Variants in SGIP1 observed in about 807,000 individuals in gnomAD.
SGIP1 encodes the protein SH3GL interacting endocytic adaptor 1.
SGIP1 carries 38 observed loss-of-function variants against 107.5 expected under a neutral mutation model. The observed-to-expected ratio is 0.35, with a 90% CI of 0.27 to 0.46. The LOEUF (loss-of-function observed/expected upper bound fraction) is 0.46. Among genes scored for constraint, SGIP1 ranks in the 20% least tolerant of loss-of-function variants. The pLI, the probability that SGIP1 is intolerant of heterozygous loss-of-function variation, is 1.00. For missense variants in SGIP1, 929 were observed against 1,019.5 expected (o/e 0.91, Z 1.21); for synonymous variants, 365 against 366.1 (o/e 1.00, Z 0.03).
At chr1:66,587,003 A>T (rs899797572) in intron 1 of SGIP1, among the ~76,000 whole-genome samples, 6 of 152,106 alleles carry the variant, frequency 3.9e-5, no homozygotes, top group Non-Finnish European at 7.4e-5. Context: ...TGGCACTTAA[A>T]AGATATTGTC....
intron 21 of SGIP1, among the ~76,000 whole-genome samples, chr1:66,736,451 T>C (rs56219542): frequency 0.52 from 37,034 of 71,408 alleles, 11,074 homozygotes; most frequent in Non-Finnish European, 0.62. Context: ...TATAATATAT[T>C]GCGTATTATA....
intron 7 of SGIP1, among the ~76,000 whole-genome samples, chr1:66,644,506 C>A (rs1489142701): frequency 6.6e-6 from 1 of 152,142 alleles, no homozygotes; most frequent in Non-Finnish European, 1.5e-5. Context: ...TTGTGAGGAA[C>A]AGATGAAGGC....
intron 20 of SGIP1, among the ~76,000 whole-genome samples, chr1:66,729,999 G>T (rs202123796): frequency 6.6e-6 from 1 of 151,818 alleles, no homozygotes; most frequent in Admixed American, 6.6e-5. Flanking sequence ...ATGGGGTTTC[G>T]CCATGTTGGC....
chr1:66,548,551 C>T (rs2056845833), intron 1 of SGIP1, among the ~76,000 whole-genome samples: 1 of 152,082 alleles, frequency 6.6e-6, no homozygotes, highest in South Asian at 2.1e-4. Flanking sequence ...TTTTTATGTA[C>T]TTATTTTTAA....
intron 1 of SGIP1, among the ~76,000 whole-genome samples, chr1:66,569,374 A>G (rs901741308): frequency 3.3e-5 from 5 of 151,748 alleles, no homozygotes; most frequent in South Asian, 2.1e-4. Context: ...TTTTTTGTAG[A>G]TAGTCTTTAT....
intron 22 of SGIP1, among the ~76,000 whole-genome samples, chr1:66,740,200 A>C (rs1572470211): frequency 6.6e-6 from 1 of 152,252 alleles, no homozygotes; most frequent in Admixed American, 6.5e-5. Flanking sequence ...CTAGAAACTG[A>C]ATAGATACAT....
chr1:66,682,062 A>G lies in SGIP1; in HGVS notation c.1008A>G (p.Pro336=). The G allele has an allele frequency of 6.2e-7, 1 of 1,614,140 alleles. No homozygotes were observed. The highest frequency in any genetic ancestry group is 1.1e-5 in the South Asian group (1 of 91,080). Residue 336 remains proline, a synonymous_variant, in exon 15 of 25, where the codon CCA becomes CCG. Transcript: ENST00000371037. ...ELTPREKVVS[P]PATPDNPADS... ...CTCCAAGGGAAAAAGTGGTGTCCCC[A>G]CCAGCTACACCAGACAACCCAGCTG...
intron 1 of SGIP1, among the ~76,000 whole-genome samples, chr1:66,543,538 T>C (rs970610022): frequency 7.9e-5 from 12 of 152,240 alleles, no homozygotes; most frequent in Non-Finnish European, 1.8e-4. Context: ...TTGGAGCCCA[T>C]GGTGTTTTTC....
intron 1 of SGIP1, among the ~76,000 whole-genome samples, chr1:66,623,440 G>A (rs950056988): frequency 1.2e-4 from 18 of 152,070 alleles, no homozygotes; most frequent in African/African-American, 3.6e-4. Context: ...TAGTAGAGAC[G>A]GGGTTTCACC....
chr1:66,553,618 G>A (rs992448344), intron 1 of SGIP1, among the ~76,000 whole-genome samples: 12 of 150,666 alleles, frequency 8.0e-5, no homozygotes, highest in Admixed American at 6.6e-4. Context: ...GGAGGTTGCA[G>A]TGAGCCAAGA....
At chr1:66,644,775 T>C (rs1375628819) in intron 7 of SGIP1, among the ~76,000 whole-genome samples, 1 of 152,220 alleles carries the variant, frequency 6.6e-6, no homozygotes, top group Non-Finnish European at 1.5e-5. Context: ...TCACTACTGT[T>C]GGTAACAACC....
chr1:66,590,484 C>T (rs1445100084), intron 1 of SGIP1: 1 of 152,136 alleles, frequency 6.6e-6, no homozygotes, highest in African/African-American at 2.4e-5. Flanking sequence ...GTGGCCCAGC[C>T]TGGAGTGCAG....
intron 14 of SGIP1, among the ~76,000 whole-genome samples, chr1:66,681,084 A>G (rs2086596544): frequency 6.6e-6 from 1 of 152,230 alleles, no homozygotes; most frequent in Admixed American, 6.5e-5. Flanking sequence ...GACAGGTTAG[A>G]CTTAATGAGA....
intron 18 of SGIP1, among the ~76,000 whole-genome samples, chr1:66,698,330 A>G (rs1015904933): frequency 6.7e-6 from 1 of 150,254 alleles, no homozygotes; most frequent in Admixed American, 6.6e-5. Context: ...TAAAAATTCT[A>G]TTTATTTTAA....
Position 66,689,367 on chromosome 1 carries a change from C to G in SGIP1, c.1443+92C>G, listed in dbSNP as rs562976204. 6.7e-5 allele frequency: 99 copies of G among 1,467,152 alleles called. No homozygotes were observed. In the South Asian group the frequency reaches 1.3e-3, roughly 20 times the overall value. 90.9% of individuals were successfully genotyped at this position (1,467,152 alleles called of 1,614,324 possible). ...TTCAGGTCTAAGCGTTTAGAGAACTCGTACAAACAACCCTGACAGGTGGCA... is the reference window on the plus strand; with the variant it reads ...TTCAGGTCTAAGCGTTTAGAGAACTGGTACAAACAACCCTGACAGGTGGCA... On this transcript the variant is annotated intron_variant, in intron 16 of 24. Coordinates refer to ENST00000371037, the MANE Select transcript of SGIP1 (RefSeq NM_032291.4).
intron 22 of SGIP1, 52 bp downstream of exon 22, chr1:66,739,589 C>A: frequency 1.3e-6 from 2 of 1,571,976 alleles, no homozygotes; most frequent in South Asian, 2.2e-5. Context: ...GTCAAGAGGT[C>A]ACAGACTCCT....
chr1:66,627,361 A>G (rs1314959045), intron 2 of SGIP1, among the ~76,000 whole-genome samples: 1 of 152,168 alleles, frequency 6.6e-6, no homozygotes, highest in African/African-American at 2.4e-5. Context: ...TCCACTAGGC[A>G]TTTACTGACA....
chr1:66,561,736 A>G (rs2058978445), intron 1 of SGIP1, among the ~76,000 whole-genome samples: 2 of 152,042 alleles, frequency 1.3e-5, no homozygotes, highest in Non-Finnish European at 2.9e-5. Context: ...TTGCCCCTCA[A>G]GTACTACGAT....
intron 1 of SGIP1, among the ~76,000 whole-genome samples, chr1:66,593,133 T>G (rs1004433687): frequency 4.6e-5 from 7 of 152,210 alleles, no homozygotes; most frequent in Middle Eastern, 6.8e-3. Context: ...GCTCATTTCT[T>G]TTTAGCACTG....
Sources: gnomAD v4.1 joint callset for allele counts (sites outside exome capture counted in the v4.1 genomes callset) on GRCh38, gnomAD v4.1.1 for gene constraint, MANE v1.5 for transcripts, NCBI Gene and HGNC (gene_info 2026-07-23, HGNC 2026-07-21) for gene names.